TACC3: variants seen among roughly 807,000 people sequenced by gnomAD.
The protein encoded by TACC3 is transforming acidic coiled-coil containing protein 3, also known as transforming acidic coiled-coil-containing protein 3.
TACC3 carries 52 observed loss-of-function variants against 86.0 expected under a neutral mutation model. The observed-to-expected ratio is 0.60, with a 90% CI of 0.48 to 0.76. The LOEUF (loss-of-function observed/expected upper bound fraction) is 0.76, where lower values mean the gene tolerates loss of function less well. Ranked by LOEUF, TACC3 falls within the 30% of genes least tolerant of loss-of-function variation. The pLI, the probability that TACC3 is intolerant of heterozygous loss-of-function variation, is 0.00. For synonymous variants in TACC3, 512 were observed against 430.0 expected (o/e 1.19, Z -2.36); for missense variants, 1,120 against 1,070.4 (o/e 1.05, Z -0.65).
chr4:1,742,934 T>C (rs1577227277), intron 13 of TACC3, among the ~76,000 whole-genome samples: 1 of 152,088 alleles, frequency 6.6e-6, no homozygotes, highest in East Asian at 1.9e-4. Context: ...ACCATTGCAC[T>C]CCAGCCTGGG....
intron 9 of TACC3, 134 bp downstream of exon 9, chr4:1,737,462 C>A: frequency 9.0e-7 from 1 of 1,109,692 alleles, no homozygotes; most frequent in Non-Finnish European, 1.3e-6. Flanking sequence ...CTGTGCTGTT[C>A]CCTCGCCGCA....
chr4:1,726,539 A>G (rs564953057), intron 3 of TACC3, among the ~76,000 whole-genome samples: 1 of 152,300 alleles, frequency 6.6e-6, no homozygotes, highest in East Asian at 1.9e-4. Flanking sequence ...TTTTGCTTGT[A>G]GCTGATGTTT....
At chr4:1,728,842 A>G (rs1238780346) in intron 4 of TACC3, 55 bp downstream of exon 4, 32 of 1,520,884 alleles carry the variant, frequency 2.1e-5, no homozygotes, top group Non-Finnish European at 2.7e-5. Context: ...CCTGCAGTGT[A>G]TGTGGTCCAG....
rs1308405403 is a variant in TACC3 at position 1,728,537 on chromosome 4, C to T, written c.1135C>T (p.Gln379Ter). 43 of 1,613,892 alleles carry T rather than the reference C, an allele frequency of 2.7e-5. No homozygotes were observed. The highest frequency in any genetic ancestry group is 3.4e-5 in the Non-Finnish European group (40 of 1,179,988). Residue 379 changes from glutamine (Q) to a stop codon, truncating the protein, a stop_gained, in exon 4 of 16, where the codon CAG becomes TAG. Transcript: ENST00000313288. LOFTEE classifies it high-confidence loss of function. Reference sequence around the variant, plus strand: ...AGCAGTGAGGCAGCAAAAGGCCCCGCAGGAGGTGGAGGAGGACGACGGTAG... The same window carrying T: ...AGCAGTGAGGCAGCAAAAGGCCCCGTAGGAGGTGGAGGAGGACGACGGTAG... ...KAAVRQQKAP[Q>*]EVEEDDGRSG...
At chr4:1,741,133 G>A in intron 13 of TACC3, 147 bp downstream of exon 13, 3 of 769,624 alleles carry the variant, frequency 3.9e-6, no homozygotes, top group Non-Finnish European at 6.2e-6. Flanking sequence ...CTGTGAACGA[G>A]ACAGGGTGCA....
Position 1,728,483 on chromosome 4 carries a change from T to C in TACC3, c.1081T>C (p.Ser361Pro), listed in dbSNP as rs753300602. 6.9e-5 allele frequency: 112 copies of C among 1,613,430 alleles called. No individual in the cohort carries two copies. Among genetic ancestry groups the C allele is most frequent in the Non-Finnish European group, 9.3e-5 (110 of 1,179,928 alleles). Reference sequence around the variant, plus strand: ...CCCACCAAGGAGACTGGGAGAGAGGTCCGGCCTCAAGCCTCCCTTGAGGAA... The same window carrying C: ...CCCACCAAGGAGACTGGGAGAGAGGCCCGGCCTCAAGCCTCCCTTGAGGAA... ...APPPRRLGER[S>P]GLKPPLRKAA... Residue 361 changes from serine (S) to proline (P), a missense_variant, in exon 4 of 16, where the codon TCC becomes CCC. Coordinates refer to ENST00000313288, the MANE Select transcript of TACC3 (RefSeq NM_006342.3).
chr4:1,733,517 G>GC (rs397691421), intron 6 of TACC3, among the ~76,000 whole-genome samples: 8 of 8,804 alleles, frequency 9.1e-4, no homozygotes, highest in African/African-American at 2.2e-3. Flanking sequence ...TTTATTACCT[G>GC]GCATGGTGGC....
intron 6 of TACC3, among the ~76,000 whole-genome samples, chr4:1,733,527 C>T (rs954609340): frequency 2.6e-5 from 4 of 151,412 alleles, no homozygotes; most frequent in Admixed American, 1.3e-4. Context: ...GGCATGGTGG[C>T]GTACACCTAT....
chr4:1,735,288 C>T lies in TACC3; in HGVS notation c.1607C>T (p.Ala536Val), dbSNP rs1475871355. 14 of 1,613,896 alleles carry T rather than the reference C, an allele frequency of 8.7e-6. No individual in the cohort carries two copies. The highest frequency in any genetic ancestry group is 1.1e-5 in the South Asian group (1 of 91,096). The change falls in exon 7 of 16, where the codon GCG (alanine) becomes GTG (valine). Residue 536 changes from alanine to valine, a missense_variant. Coordinates refer to ENST00000313288, the MANE Select transcript of TACC3 (RefSeq NM_006342.3). This position sits in a 1 kb window ranked among gnomAD's most constrained non-coding sequence, Gnocchi z 4.2. ...RDPAEVLGTG[A>V]EVDYLEQFGT... ...CTCCTCTCAGTTCTAGGCACGGGCGCGGAGGTGGATTACCTGGAGCAGTTT... is the reference window on the plus strand; with the variant it reads ...CTCCTCTCAGTTCTAGGCACGGGCGTGGAGGTGGATTACCTGGAGCAGTTT...
chr4:1,744,347 G>A (rs1006619362), intron 13 of TACC3, 171 bp from the exon 14 acceptor site: 7 of 625,136 alleles, frequency 1.1e-5, no homozygotes. Context: ...CTCCAGAGGG[G>A]GTGAGCTGGG....
chr4:1,738,056 C>T (rs954918680), intron 10 of TACC3: 17 of 375,812 alleles, frequency 4.5e-5, no homozygotes, highest in East Asian at 1.3e-4. Flanking sequence ...CGAGTCCAGA[C>T]GCATCTCCTG....
rs1718786628 is a variant in TACC3, at chr4:1,745,069, T to G, written c.*56T>G. The G allele has an allele frequency of 6.5e-7, 1 of 1,527,390 alleles. No individual in the cohort carries two copies. The highest frequency in any genetic ancestry group is 2.0e-5 in the Admixed American group (1 of 50,054). The allele number at this position is 1,527,390 out of a possible 1,614,324, so 94.6% of individuals were successfully genotyped here. On this transcript the variant is annotated 3_prime_UTR_variant, in exon 16 of 16. Transcript: ENST00000313288. ...GCTCCCGTCTGTCTGTCCTGTCTGA[T>G]TCTCTTAGGTGTCATGTTCTTTTTT...
intron 13 of TACC3, among the ~76,000 whole-genome samples, chr4:1,743,765 C>T (rs4865466): frequency 0.6 from 90,538 of 151,412 alleles, 27,377 homozygotes; most frequent in East Asian, 0.83. Flanking sequence ...TTCCGGATGC[C>T]GCCTCCCGGA....
chr4:1,740,345 T>C, intron 12 of TACC3: 1 of 440,544 alleles, frequency 2.3e-6, no homozygotes, highest in South Asian at 2.8e-5. Context: ...AGCAGCAGCC[T>C]CTGTAGGTGT....
intron 6 of TACC3, among the ~76,000 whole-genome samples, chr4:1,731,547 G>A (rs1439481908): frequency 3.9e-5 from 6 of 152,216 alleles, no homozygotes; most frequent in Non-Finnish European, 8.8e-5. Flanking sequence ...AGGAAAATGA[G>A]CAGGAGAGGT....
chr4:1,730,821 C>A, intron 4 of TACC3, 66 bp from the exon 5 acceptor site: 1 of 1,534,840 alleles, frequency 6.5e-7, no homozygotes. Flanking sequence ...CAGCTCAGTG[C>A]TGGAGCAGGG....
intron 13 of TACC3, 139 bp downstream of exon 13, chr4:1,741,125 G>A: frequency 2.4e-6 from 2 of 819,598 alleles, no homozygotes; most frequent in East Asian, 2.6e-5. Context: ...GGGATGACCT[G>A]TGAACGAGAC....
At chr4:1,722,939 G>C (rs1200275112) in intron 1 of TACC3, among the ~76,000 whole-genome samples, 1 of 152,108 alleles carries the variant, frequency 6.6e-6, no homozygotes, top group East Asian at 1.9e-4. Context: ...CGGTGGGAGA[G>C]AGCAGACCAG....
intron 3 of TACC3, 54 bp downstream of exon 3, chr4:1,723,924 T>C (rs3099555): frequency 0.79 from 1,247,742 of 1,588,438 alleles, 493,854 homozygotes; most frequent in East Asian, 0.85. Flanking sequence ...TGTCCGATGG[T>C]TCTTGCAGGA....
Sources: gnomAD v4.1 joint callset for allele counts (sites outside exome capture counted in the v4.1 genomes callset) on GRCh38, gnomAD v4.1.1 for gene constraint, Gnocchi (gnomAD v3.1) non-coding constraint, MANE v1.5 for transcripts, NCBI Gene and HGNC (gene_info 2026-07-23, HGNC 2026-07-21) for gene names.